CAPSL: variants seen among roughly 807,000 people sequenced by gnomAD.
CAPSL encodes calcyphosine like.
In CAPSL, 17 loss-of-function variants were observed where a neutral mutation model predicts 21.3. That is an observed-to-expected ratio of 0.80 (90% CI 0.55 to 1.20). The LOEUF (loss-of-function observed/expected upper bound fraction) is 1.20. Ranked by LOEUF, CAPSL falls within the 50% of genes most tolerant of loss-of-function variation. The pLI, the probability that CAPSL is intolerant of heterozygous loss-of-function variation, is 0.00. For missense variants in CAPSL, 289 were observed against 259.3 expected, an observed-to-expected ratio of 1.11 and a Z score of -0.79; for synonymous variants, 102 against 89.3, an observed-to-expected ratio of 1.14 and a Z score of -0.80.
intron 2 of CAPSL, among the ~76,000 whole-genome samples, chr5:35,916,806 C>T (rs558161846): frequency 1.3e-5 from 2 of 152,110 alleles, no homozygotes; most frequent in Non-Finnish European, 2.9e-5. Flanking sequence ...TAGGCATGGG[C>T]AAGGACTTCA....
Position 35,909,939 on chromosome 5 carries a change from C to G in CAPSL, c.452G>C (p.Gly151Ala). The G allele has an allele frequency of 2.5e-6, 4 of 1,613,860 alleles. No homozygotes were observed. The highest frequency in any genetic ancestry group is 3.4e-6 in the Non-Finnish European group (4 of 1,179,912). Residue 151 changes from glycine (G) to alanine (A), a missense_variant, in exon 4 of 5, where the codon GGG becomes GCG. Coordinates refer to ENST00000651391, the MANE Select transcript of CAPSL (RefSeq NM_001042625.2). ...AAATACTTGTTCCTCACTCCATTCC[C>G]CATTCTGGTACTTTGGGTGGTGTTT... ...NAKHHPKYQN[G>A]EWSEEQVFRK...
chr5:35,911,798 C>T (rs777212953), intron 2 of CAPSL, among the ~76,000 whole-genome samples: 80 of 152,258 alleles, frequency 5.3e-4, no homozygotes, highest in African/African-American at 1.3e-3. Flanking sequence ...CCAGCGTGAG[C>T]GATGCAGAAG....
At chr5:35,925,968 C>T (rs769357634) in intron 1 of CAPSL, among the ~76,000 whole-genome samples, 4 of 149,852 alleles carry the variant, frequency 2.7e-5, no homozygotes, top group Non-Finnish European at 5.9e-5. Flanking sequence ...CCCAGCTACT[C>T]GGGAGGCTGA....
intron 3 of CAPSL, 122 bp downstream of exon 3, chr5:35,910,244 T>G (rs1008644150): frequency 1.7e-6 from 2 of 1,202,600 alleles, no homozygotes; most frequent in African/African-American, 3.0e-5. Context: ...TGTTCACAGT[T>G]TTCTGCTTAT....
intron 1 of CAPSL, among the ~76,000 whole-genome samples, chr5:35,926,201 C>T (rs1457757485): frequency 2.6e-5 from 4 of 152,072 alleles, no homozygotes; most frequent in Non-Finnish European, 5.9e-5. Context: ...GCTGCCTGGA[C>T]CGTGTGGACG....
At chr5:35,926,688 C>A (rs1738694150) in intron 1 of CAPSL, among the ~76,000 whole-genome samples, 1 of 152,176 alleles carries the variant, frequency 6.6e-6, no homozygotes, top group Non-Finnish European at 1.5e-5. Context: ...TTTCTCTGTT[C>A]CTCTCCATCT....
intron 2 of CAPSL, among the ~76,000 whole-genome samples, chr5:35,912,161 G>A (rs771438402): frequency 1.3e-5 from 2 of 152,184 alleles, no homozygotes; most frequent in Non-Finnish European, 2.9e-5. Flanking sequence ...CGAGGCTGGG[G>A]GAGGGATGCC....
chr5:35,924,362 A>G (rs529961430), intron 1 of CAPSL, among the ~76,000 whole-genome samples: 3 of 152,302 alleles, frequency 2.0e-5, no homozygotes, highest in East Asian at 3.9e-4. Flanking sequence ...TTTCTGCTTC[A>G]TCATGTTTGT....
chr5:35,905,863 G>C (rs1295236918), intron 4 of CAPSL, among the ~76,000 whole-genome samples: 1 of 152,210 alleles, frequency 6.6e-6, no homozygotes, highest in Admixed American at 6.5e-5. Context: ...CCCACAGGCT[G>C]TACCCCACAC....
At chr5:35,925,174 G>A (rs1028009445) in intron 1 of CAPSL, among the ~76,000 whole-genome samples, 1 of 152,248 alleles carries the variant, frequency 6.6e-6, no homozygotes, top group Non-Finnish European at 1.5e-5. Flanking sequence ...AGCTCAGGAA[G>A]CGCCATGCAC....
At chr5:35,921,587 C>A (rs1335669597) in intron 1 of CAPSL, among the ~76,000 whole-genome samples, 1 of 152,076 alleles carries the variant, frequency 6.6e-6, no homozygotes, top group East Asian at 1.9e-4. Context: ...TGATTCTTAC[C>A]AGTAATGGGT....
chr5:35,925,181 G>A (rs1008153938), intron 1 of CAPSL, among the ~76,000 whole-genome samples: 9 of 152,238 alleles, frequency 5.9e-5, no homozygotes, highest in Non-Finnish European at 1.3e-4. Flanking sequence ...GAAGCGCCAT[G>A]CACTGTGCTA....
At chr5:35,933,407 A>G (rs1465496277) in intron 1 of CAPSL, among the ~76,000 whole-genome samples, 1 of 152,204 alleles carries the variant, frequency 6.6e-6, no homozygotes, top group African/African-American at 2.4e-5. Flanking sequence ...TCAGTTCACA[A>G]ATTGGTAGAA....
At chr5:35,915,500 A>C (rs192875756) in intron 2 of CAPSL, among the ~76,000 whole-genome samples, 187 of 152,314 alleles carry the variant, frequency 1.2e-3, no homozygotes, top group African/African-American at 4.5e-3. Flanking sequence ...TACATCAAGA[A>C]GCTTATCCAC....
chr5:35,931,655 A>G (rs1182641790), intron 1 of CAPSL, among the ~76,000 whole-genome samples: 2 of 152,204 alleles, frequency 1.3e-5, no homozygotes, highest in Non-Finnish European at 2.9e-5. Flanking sequence ...AGTTAGGTCA[A>G]CCTGCTCGAT....
At chr5:35,931,629 C>T (rs1034095518) in intron 1 of CAPSL, among the ~76,000 whole-genome samples, 2 of 152,080 alleles carry the variant, frequency 1.3e-5, no homozygotes, top group African/African-American at 4.8e-5. Flanking sequence ...AAAGAAATAA[C>T]TTACAATGTA....
At chr5:35,929,552 A>G (rs1345984938) in intron 1 of CAPSL, among the ~76,000 whole-genome samples, 1 of 152,096 alleles carries the variant, frequency 6.6e-6, no homozygotes, top group Non-Finnish European at 1.5e-5. Context: ...TGGCCTCACA[A>G]TGCTGGGATT....
chr5:35,920,744 A>G (rs1738515104), intron 2 of CAPSL, among the ~76,000 whole-genome samples: 1 of 151,822 alleles, frequency 6.6e-6, no homozygotes, highest in Non-Finnish European at 1.5e-5. Flanking sequence ...TTTACCTCAT[A>G]TTTTCCCAGA....
intron 1 of CAPSL, among the ~76,000 whole-genome samples, chr5:35,938,040 C>A (rs1190758809): frequency 6.6e-6 from 1 of 152,072 alleles, no homozygotes; most frequent in Non-Finnish European, 1.5e-5. Context: ...AATAAGCATC[C>A]TGATTTTTAT....
Sources: allele counts gnomAD v4.1 joint callset (sites outside exome capture counted in the v4.1 genomes callset), GRCh38; gene constraint gnomAD v4.1.1; transcripts MANE v1.5; gene names NCBI Gene and HGNC (gene_info 2026-07-23, HGNC 2026-07-21).